Variants in PDGFRB observed in about 807,000 individuals in gnomAD.
The protein encoded by PDGFRB is platelet-derived growth factor receptor beta.
PDGFRB carries 42 observed loss-of-function variants against 120.2 expected under a neutral mutation model. The observed-to-expected ratio is 0.35, with a 90% confidence interval of 0.27 to 0.45. The LOEUF (loss-of-function observed/expected upper bound fraction) is 0.45. Among genes scored for constraint, PDGFRB ranks in the 20% least tolerant of loss-of-function variants. The pLI is 1.00. For missense variants in PDGFRB, 1,149 were observed against 1,476.3 expected (o/e 0.78, Z 3.63); for synonymous variants, 586 against 606.8 (o/e 0.97, Z 0.50).
At chr5:150,149,101 G>A (rs946154774) in intron 1 of PDGFRB, among the ~76,000 whole-genome samples, 14 of 152,194 alleles carry the variant, frequency 9.2e-5, no homozygotes, top group Admixed American at 3.9e-4. Context: ...TAGTGATGGC[G>A]GGTAGTAGCT....
chr5:150,144,605 C>A (rs1009206945), intron 1 of PDGFRB, among the ~76,000 whole-genome samples: 1 of 152,260 alleles, frequency 6.6e-6, no homozygotes, highest in Non-Finnish European at 1.5e-5. Context: ...CCCCCTCACC[C>A]GTCAGAGTGC....
rs1760500837 is a variant in PDGFRB, at chr5:150,132,706, A to C, written c.1127+44T>G. On this transcript the variant is annotated intron_variant, in intron 7 of 22. Transcript: ENST00000261799. The surrounding 1 kb of genome is among the most constrained non-coding windows in gnomAD (Gnocchi z 5.0). The stretch of plus-strand genomic sequence containing the variant: ...GCCGAGGGCTGCCTGGCGGCTGCAA[A>C]GAAAAATAACTTCAAGAATGGGATG... The C allele has an allele frequency of 6.3e-7, 1 of 1,577,130 alleles. No individual in the cohort carries two copies. Among genetic ancestry groups the C allele is most frequent in the Non-Finnish European group, 8.6e-7 (1 of 1,157,606 alleles).
At chr5:150,151,237 G>T (rs1580824382) in intron 1 of PDGFRB, among the ~76,000 whole-genome samples, 1 of 152,298 alleles carries the variant, frequency 6.6e-6, no homozygotes, top group East Asian at 1.9e-4. Context: ...TCCTGAAATT[G>T]TTTTAGGGCT....
At chr5:150,125,164 C>A (rs772230866) in intron 12 of PDGFRB, among the ~76,000 whole-genome samples, 12 of 152,172 alleles carry the variant, frequency 7.9e-5, no homozygotes, top group Non-Finnish European at 1.3e-4. Context: ...GCTTCCCCAG[C>A]CAGACCAGGC....
intron 21 of PDGFRB, 83 bp from the exon 22 acceptor site, chr5:150,117,933 C>A (rs1580793050): frequency 2.6e-6 from 2 of 769,226 alleles, no homozygotes; most frequent in East Asian, 2.7e-5. Flanking sequence ...CGAGCCCATC[C>A]CCCTTTGTAT....
At chr5:150,149,341 C>A (rs1761008651) in intron 1 of PDGFRB, among the ~76,000 whole-genome samples, 1 of 152,194 alleles carries the variant, frequency 6.6e-6, no homozygotes, top group Non-Finnish European at 1.5e-5. Flanking sequence ...AAATGCAGGG[C>A]TCTTTGTTAA....
rs757668250 is a variant in PDGFRB at position 150,133,889 on chromosome 5, G to A, written c.751C>T (p.Arg251Cys). ...EVVNFEWTYP[R>C]KESGRLVEPV... is the part of the protein sequence containing the mutation. ...GCCTGGCCCCACATTACTTCTTTGC[G>A]GGGGTATGTCCACTCGAAGTTGACC... The change falls in exon 5 of 23, where the codon CGC (arginine) becomes TGC (cysteine). Residue 251 changes from arginine to cysteine, a missense_variant. Transcript: ENST00000261799. 1.9e-6 allele frequency: 3 copies of A among 1,614,076 alleles called. No individual in the cohort carries two copies. Among genetic ancestry groups the A allele is most frequent in the Non-Finnish European group, 2.5e-6 (3 of 1,179,980 alleles).
chr5:150,140,944 C>A (rs765799253), intron 1 of PDGFRB, among the ~76,000 whole-genome samples: 7 of 152,292 alleles, frequency 4.6e-5, no homozygotes, highest in Middle Eastern at 3.4e-3. Context: ...AACAGCTTCC[C>A]TCCCTCAGGG....
chr5:150,121,049 A>T lies in PDGFRB; in HGVS notation c.2464-39T>A. ...GAGGGGAGCTGAGGCCTTGGGGACAATTGTGGGGAAAGACCCTTCATGTCA... is the reference window on the plus strand; with the variant it reads ...GAGGGGAGCTGAGGCCTTGGGGACATTTGTGGGGAAAGACCCTTCATGTCA... On this transcript the variant is annotated intron_variant, in intron 17 of 22. Coordinates refer to ENST00000261799, the MANE Select transcript of PDGFRB (RefSeq NM_002609.4). The surrounding 1 kb of genome is among the most constrained non-coding windows in gnomAD (Gnocchi z 4.1). The T allele has an allele frequency of 6.2e-7, 1 of 1,609,638 alleles. No individual in the cohort carries two copies. The highest frequency in any genetic ancestry group is 8.5e-7 in the Non-Finnish European group (1 of 1,176,160).
At chr5:150,151,269 CT>C (rs1299700713) in intron 1 of PDGFRB, among the ~76,000 whole-genome samples, 1 of 152,204 alleles carries the variant, frequency 6.6e-6, no homozygotes, top group Non-Finnish European at 1.5e-5. Context: ...TTACCATCAT[CT>C]GGGTCAACCT....
intron 1 of PDGFRB, among the ~76,000 whole-genome samples, chr5:150,138,569 C>T (rs1174501812): frequency 2.0e-5 from 3 of 152,202 alleles, no homozygotes; most frequent in Admixed American, 6.5e-5. Context: ...TCCTCCCTTT[C>T]AGACTGCCTG....
rs147739009 is a variant in PDGFRB, at chr5:150,128,386, C to T, written c.1579+1371G>A. Among the ~76,000 whole-genome samples, 533 of 152,346 alleles carry T rather than the reference C, an allele frequency of 3.5e-3. 2 individuals are homozygous for T. The highest frequency in any genetic ancestry group is 0.013 in the African/African-American group (521 of 41,576). ...GCAGGGGACAGGAGGCAGCTCTAGA[C>T]AGGCACGTGCCTGAACATGCCCAGG... On this transcript the variant is annotated intron_variant, in intron 10 of 22. Coordinates refer to ENST00000261799, the MANE Select transcript of PDGFRB (RefSeq NM_002609.4).
intron 1 of PDGFRB, among the ~76,000 whole-genome samples, chr5:150,150,542 G>T (rs1761046749): frequency 1.6e-5 from 2 of 122,886 alleles, no homozygotes; most frequent in Non-Finnish European, 3.5e-5. Flanking sequence ...GGTTAAAGCA[G>T]TACACTTTGA....
At chr5:150,146,512 G>A (rs1044956853) in intron 1 of PDGFRB, among the ~76,000 whole-genome samples, 1 of 152,188 alleles carries the variant, frequency 6.6e-6, no homozygotes. Context: ...GAACGGGAAT[G>A]CAAACTCAGG....
At chr5:150,155,332 G>T in intron 1 of PDGFRB, 65 bp downstream of exon 1, 7 of 241,264 alleles carry the variant, frequency 2.9e-5, no homozygotes, top group East Asian at 6.8e-5. Context: ...CCTACTCGAA[G>T]AGATGCAGGT....
chr5:150,152,633 CT>C (rs1175261869), intron 1 of PDGFRB, among the ~76,000 whole-genome samples: 1 of 152,258 alleles, frequency 6.6e-6, no homozygotes, highest in Non-Finnish European at 1.5e-5. Context: ...GAGCACCCTC[CT>C]TTAGCCTAGA....
rs1218819598 is a variant in PDGFRB at position 150,120,916 on chromosome 5, C to T, written c.2558G>A (p.Arg853Gln). 8 of 1,613,936 alleles carry T rather than the reference C, an allele frequency of 5.0e-6. No homozygotes were observed. In the East Asian group the frequency reaches 6.7e-5, roughly 13 times the overall value. The change falls in exon 18 of 23, where the codon CGG becomes CAG. Residue 853 changes from arginine (R) to glutamine (Q), a missense_variant. Arg to Gln is a conservative substitution (Grantham distance 43, BLOSUM62 1). Around this residue, in one of 3 missense-constraint regions of PDGFRB, gnomAD observed 68 missense variants for 153.3 expected, o/e 0.44. Transcript: ENST00000261799. This position sits in a 1 kb window ranked among gnomAD's most constrained non-coding sequence, Gnocchi z 4.3. Reference sequence around the variant, plus strand: ...GCCTTTGGAGATGTAATTCGAGTCCCGCATGATGTCTCGAGCCAGGCCAAA... The same window carrying T: ...GCCTTTGGAGATGTAATTCGAGTCCTGCATGATGTCTCGAGCCAGGCCAAA... ...CDFGLARDIM[R>Q]DSNYISKGST...
rs756569804 is a variant in PDGFRB, at chr5:150,124,360, G to C, written c.1913C>G (p.Ser638Cys). The C allele has an allele frequency of 6.2e-7, 1 of 1,613,060 alleles. No homozygotes were observed. Reference sequence around the variant, plus strand: ...TTGCTTCTCACTGCTGCGGGCTGTGGCTGAGGAAAATGGGGGCCCCAGGCC... The same window carrying C: ...TTGCTTCTCACTGCTGCGGGCTGTGCCTGAGGAAAATGGGGGCCCCAGGCC... The part of the protein sequence containing the change: ...TMKVAVKMLK[S>C]TARSSEKQAL... The change falls in exon 14 of 23, where the codon TCC (serine) becomes TGC (cysteine). Residue 638 changes from serine to cysteine, a missense_variant and splice_region_variant. By Grantham distance (112) the Ser-to-Cys change is moderately radical. Coordinates refer to ENST00000261799, the MANE Select transcript of PDGFRB (RefSeq NM_002609.4).
rs1562006163 is a variant in PDGFRB at position 150,132,137 on chromosome 5, T to G, written c.1128-43A>C. 5.8e-6 allele frequency: 6 copies of G among 1,035,798 alleles called. No individual in the cohort carries two copies. The highest frequency in any genetic ancestry group is 2.4e-5 in the East Asian group (1 of 41,748). 64.2% of individuals were successfully genotyped at this position (1,035,798 alleles called of 1,614,324 possible). On this transcript the variant is annotated intron_variant, in intron 7 of 22. Transcript: ENST00000261799. This position sits in a 1 kb window ranked among gnomAD's most constrained non-coding sequence, Gnocchi z 5.0. The stretch of plus-strand genomic sequence containing the variant: ...CAGCTGTCAGAGTCGGAAGGACTCT[T>G]ACAGTTCTCCCCACCCTCCTGGTAT...
Sources: allele counts gnomAD v4.1 joint callset (sites outside exome capture counted in the v4.1 genomes callset), GRCh38; gene constraint gnomAD v4.1.1; regional missense constraint gnomAD v4.1.1; non-coding constraint Gnocchi (gnomAD v3.1); transcripts MANE v1.5; gene names NCBI Gene and HGNC (gene_info 2026-07-23, HGNC 2026-07-21).